ATP1B3: variants seen among roughly 807,000 people sequenced by gnomAD.
The protein encoded by ATP1B3 is ATPase Na+/K+ transporting subunit beta 3.
In ATP1B3, 10 loss-of-function variants were observed where a neutral mutation model predicts 30.2. That is an observed-to-expected ratio of 0.33 (90% CI 0.20 to 0.56). The LOEUF is 0.56. Among genes scored for constraint, ATP1B3 ranks in the 20% least tolerant of loss-of-function variants. ATP1B3 has a pLI of 0.90. For synonymous variants in ATP1B3, 113 were observed against 117.0 expected (o/e 0.97, Z 0.22); for missense variants, 238 against 336.7 (o/e 0.71, Z 2.29).
intron 5 of ATP1B3, 23 bp from the exon 6 acceptor site, chr3:141,921,954 A>T (rs759527971): frequency 4.5e-6 from 6 of 1,345,614 alleles, no homozygotes; most frequent in Non-Finnish European, 6.1e-6. Context: ...CCTAAAGAGG[A>T]TTTCTTTTGT....
intron 3 of ATP1B3, among the ~76,000 whole-genome samples, chr3:141,910,561 C>G (rs770354706): frequency 6.6e-6 from 1 of 151,932 alleles, no homozygotes; most frequent in Non-Finnish European, 1.5e-5. Context: ...CTTCTTTTAT[C>G]ATCTATAGAT....
Position 141,876,710 on chromosome 3 carries a change from G to C in ATP1B3, c.-92G>C, listed in dbSNP as rs1933596169. 5.3e-6 allele frequency: 5 copies of C among 947,258 alleles called. No individual in the cohort carries two copies. Among genetic ancestry groups the C allele is most frequent in the Admixed American group, 2.3e-5 (1 of 43,400 alleles). 58.7% of individuals were successfully genotyped at this position (947,258 alleles called of 1,614,324 possible). Reference sequence around the variant, plus strand: ...CGTCCCACCCTTCACTGCCGTCTCCGGGCTGCGCCGCCGGAGCCGGGACGC... The same window carrying C: ...CGTCCCACCCTTCACTGCCGTCTCCCGGCTGCGCCGCCGGAGCCGGGACGC... On this transcript the variant is annotated 5_prime_UTR_variant, in exon 1 of 7. Transcript: ENST00000286371.
intron 4 of ATP1B3, among the ~76,000 whole-genome samples, chr3:141,914,776 T>C (rs145031192): frequency 4.1e-4 from 62 of 152,328 alleles, no homozygotes; most frequent in Non-Finnish European, 6.8e-4. Flanking sequence ...AATAAGAAGC[T>C]TCCCTGTAGG....
At chr3:141,881,475 C>T (rs546852547) in intron 1 of ATP1B3, among the ~76,000 whole-genome samples, 12 of 152,296 alleles carry the variant, frequency 7.9e-5, no homozygotes, top group African/African-American at 2.9e-4. Context: ...ACTTCTGGGT[C>T]ATGGCTCAGT....
intron 1 of ATP1B3, among the ~76,000 whole-genome samples, chr3:141,895,277 C>G (rs1182681269): frequency 1.3e-5 from 2 of 151,118 alleles, no homozygotes; most frequent in African/African-American, 2.4e-5. Context: ...CAACCTCTGC[C>G]TCCCGTGTTC....
In ATP1B3 at chr3:141,916,057, A is replaced by G. The variant is rs776304575; in HGVS notation, c.582+37A>G. 5 of 1,540,336 alleles carry G rather than the reference A, an allele frequency of 3.2e-6. No homozygotes were observed. In the African/African-American group the frequency reaches 5.5e-5, roughly 17 times the overall value. ...AAAAGTAACTCCTGTTAAATCTTTG[A>G]TGTTTCTTAAAATACTTTAAAAGTC... On this transcript the variant is annotated intron_variant, in intron 5 of 6. Transcript: ENST00000286371.
intron 1 of ATP1B3, among the ~76,000 whole-genome samples, chr3:141,885,344 A>G (rs1370084077): frequency 6.6e-6 from 1 of 152,226 alleles, no homozygotes; most frequent in East Asian, 1.9e-4. Flanking sequence ...TCCTAGCTTC[A>G]TAATCCTAGC....
rs1029202295 is a variant in ATP1B3 at position 141,926,546 on chromosome 3, C to A, written c.*845C>A. 1.3e-5 allele frequency: 2 copies of A among 152,142 alleles called. No individual in the cohort carries two copies. Among genetic ancestry groups the A allele is most frequent in the African/African-American group, 4.8e-5 (2 of 41,444 alleles). The allele number at this position is 152,142 out of a possible 1,614,324, so 9.4% of individuals were successfully genotyped here. On this transcript the variant is annotated 3_prime_UTR_variant, in exon 7 of 7. Coordinates refer to ENST00000286371, the MANE Select transcript of ATP1B3 (RefSeq NM_001679.4). ...TTGGAACTTATTCAAAGCTTCAAAG[C>A]AAACAACAGTTTTGTGTAAGCATTC...
At chr3:141,892,997 C>T (rs751718931) in intron 1 of ATP1B3, among the ~76,000 whole-genome samples, 1 of 152,076 alleles carries the variant, frequency 6.6e-6, no homozygotes, top group Non-Finnish European at 1.5e-5. Context: ...CTCACCATTG[C>T]CTTATGTAGT....
At chr3:141,923,451 G>T (rs1197942210) in intron 6 of ATP1B3, among the ~76,000 whole-genome samples, 1 of 152,172 alleles carries the variant, frequency 6.6e-6, no homozygotes, top group East Asian at 1.9e-4. Context: ...CAGCAAAGAA[G>T]GTTCTCACCA....
rs968361663 is a variant in ATP1B3, at chr3:141,907,335, G to T, written c.346+61G>T. Reference sequence around the variant, plus strand: ...TAGTTATAGAAATTAGTACCAAATTGTGGGCCGGGCACGGTAGCTCACGCC... The same window carrying T: ...TAGTTATAGAAATTAGTACCAAATTTTGGGCCGGGCACGGTAGCTCACGCC... On this transcript the variant is annotated intron_variant, in intron 3 of 6. Transcript: ENST00000286371. 6.3e-6 allele frequency: 9 copies of T among 1,427,334 alleles called. No homozygotes were observed. In the African/African-American group the frequency reaches 1.3e-4, roughly 21 times the overall value. 88.4% of individuals were successfully genotyped at this position (1,427,334 alleles called of 1,614,324 possible).
intron 1 of ATP1B3, among the ~76,000 whole-genome samples, chr3:141,900,467 T>C (rs1370584134): frequency 6.6e-6 from 1 of 152,188 alleles, no homozygotes; most frequent in African/African-American, 2.4e-5. Flanking sequence ...ATGTATCCTT[T>C]ATAATAAAAC....
chr3:141,902,850 G>A (rs1934188956), intron 1 of ATP1B3: 1 of 152,166 alleles, frequency 6.6e-6, no homozygotes, highest in African/African-American at 2.4e-5. Context: ...GTCTTCATAA[G>A]TTGGCCTTAT....
At chr3:141,918,285 C>T (rs1452652689) in intron 5 of ATP1B3, 3 of 152,184 alleles carry the variant, frequency 2.0e-5, no homozygotes, top group Non-Finnish European at 2.9e-5. Context: ...GACAGTGCGC[C>T]TGTATACAGG....
At chr3:141,881,593 A>ATGG (rs375673059) in intron 1 of ATP1B3, among the ~76,000 whole-genome samples, 21 of 152,236 alleles carry the variant, frequency 1.4e-4, no homozygotes, top group African/African-American at 4.8e-4. Context: ...TTTTTGTAAG[A>ATGG]TGGTGTTCTT....
At chr3:141,886,145 C>A (rs534699425) in intron 1 of ATP1B3, among the ~76,000 whole-genome samples, 1 of 152,324 alleles carries the variant, frequency 6.6e-6, no homozygotes, top group Admixed American at 6.5e-5. Context: ...TCCAGAGAGT[C>A]TGGCATTCCA....
At chr3:141,899,984 T>C (rs1934132339) in intron 1 of ATP1B3, among the ~76,000 whole-genome samples, 1 of 152,134 alleles carries the variant, frequency 6.6e-6, no homozygotes, top group East Asian at 1.9e-4. Flanking sequence ...TGAGCTTTGA[T>C]TGCACCGCTG....
intron 1 of ATP1B3, among the ~76,000 whole-genome samples, chr3:141,879,656 G>A (rs1394689095): frequency 1.3e-5 from 2 of 151,402 alleles, no homozygotes; most frequent in Admixed American, 1.3e-4. Flanking sequence ...GCACCTGCCT[G>A]TAATCACAGC....
At chr3:141,925,450 A>G (rs1934641708) in intron 6 of ATP1B3, 81 bp from the exon 7 acceptor site, 1 of 1,460,640 alleles carries the variant, frequency 6.8e-7, no homozygotes. Flanking sequence ...AAGAAAATTT[A>G]CAGAATAAGC....
Sources: allele counts gnomAD v4.1 joint callset (sites outside exome capture counted in the v4.1 genomes callset), GRCh38; gene constraint gnomAD v4.1.1; transcripts MANE v1.5; gene names NCBI Gene and HGNC (gene_info 2026-07-23, HGNC 2026-07-21).